CSGALNACT1: variants seen among roughly 807,000 people sequenced by gnomAD.
The protein encoded by CSGALNACT1 is chondroitin sulfate N-acetylgalactosaminyltransferase 1.
A neutral mutation model predicts 51.0 loss-of-function variants in CSGALNACT1; 52 were observed. The ratio of observed to expected loss-of-function variants is 1.02; its 90% CI spans 0.82 to 1.29. The LOEUF is 1.29. CSGALNACT1 is among the 50% of genes most tolerant of loss of function. The probability of loss-of-function intolerance (pLI) is 0.00; values close to 1 mark genes in which losing one functional copy is unlikely to be tolerated. For missense variants in CSGALNACT1, 935 were observed against 679.2 expected, an observed-to-expected ratio of 1.38 and a Z score of -4.19; for synonymous variants, 341 against 254.4, an observed-to-expected ratio of 1.34 and a Z score of -3.24.
At chr8:19,407,510 ATCTCTT>A (rs745596859) in intron 9 of CSGALNACT1, among the ~76,000 whole-genome samples, 2 of 152,034 alleles carry the variant, frequency 1.3e-5, no homozygotes, top group African/African-American at 2.4e-5. Flanking sequence ...CTGCAACTCT[ATCTCTT>A]TCGAGATCCA....
At chr8:19,712,261 G>C (rs573232251) in intron 1 of CSGALNACT1, among the ~76,000 whole-genome samples, 1 of 151,950 alleles carries the variant, frequency 6.6e-6, no homozygotes, top group Non-Finnish European at 1.5e-5. Flanking sequence ...TCCTGACCTC[G>C]TGATCCGCCC....
intron 1 of CSGALNACT1, among the ~76,000 whole-genome samples, chr8:19,674,904 A>G (rs990815430): frequency 5.3e-5 from 8 of 152,234 alleles, no homozygotes; most frequent in Non-Finnish European, 1.2e-4. Flanking sequence ...GGATGAATCC[A>G]GAGTTTCTGG....
chr8:19,749,047 C>G (rs1017870283), intron 1 of CSGALNACT1, among the ~76,000 whole-genome samples: 8 of 151,928 alleles, frequency 5.3e-5, no homozygotes, highest in Non-Finnish European at 1.2e-4. Flanking sequence ...GTCTCCCAGG[C>G]CCATTCACCA....
At chr8:19,712,315 G>A (rs562021602) in intron 1 of CSGALNACT1, among the ~76,000 whole-genome samples, 25 of 152,142 alleles carry the variant, frequency 1.6e-4, no homozygotes, top group African/African-American at 5.5e-4. Flanking sequence ...GTGAGCCACC[G>A]CGCCTGGCCA....
intron 4 of CSGALNACT1, among the ~76,000 whole-genome samples, chr8:19,463,827 C>T (rs1212725663): frequency 6.6e-6 from 1 of 152,168 alleles, no homozygotes; most frequent in Admixed American, 6.5e-5. Context: ...TCTTTTCCTA[C>T]TCAATGGGCC....
intron 1 of CSGALNACT1, among the ~76,000 whole-genome samples, chr8:19,673,220 T>C (rs995043830): frequency 1.3e-5 from 2 of 152,182 alleles, no homozygotes; most frequent in Non-Finnish European, 2.9e-5. Context: ...AAAGGGGATA[T>C]GGGACTCAGA....
chr8:19,615,930 G>A (rs574540208), intron 1 of CSGALNACT1, among the ~76,000 whole-genome samples: 1 of 152,074 alleles, frequency 6.6e-6, no homozygotes, highest in Admixed American at 6.6e-5. Flanking sequence ...TTATCAAACA[G>A]GTATTTTAAT....
At chr8:19,681,778 G>A (rs1010607266) in intron 1 of CSGALNACT1, among the ~76,000 whole-genome samples, 4 of 152,072 alleles carry the variant, frequency 2.6e-5, no homozygotes, top group Admixed American at 6.5e-5. Flanking sequence ...GTCTGGGCCC[G>A]TGCCCTGAGC....
At chr8:19,727,101 G>C (rs2063441267) in intron 1 of CSGALNACT1, among the ~76,000 whole-genome samples, 1 of 152,138 alleles carries the variant, frequency 6.6e-6, no homozygotes, top group Non-Finnish European at 1.5e-5. Flanking sequence ...CTGGGGCTGA[G>C]GGAAGGCACC....
chr8:19,573,689 C>T (rs2154113430), intron 3 of CSGALNACT1, among the ~76,000 whole-genome samples: 1 of 152,198 alleles, frequency 6.6e-6, no homozygotes, highest in East Asian at 1.9e-4. Flanking sequence ...AGTGCTCTGC[C>T]CACCTCGGCC....
chr8:19,661,194 G>A (rs546806223), intron 1 of CSGALNACT1, among the ~76,000 whole-genome samples: 17 of 152,050 alleles, frequency 1.1e-4, no homozygotes, highest in Admixed American at 5.9e-4. Context: ...GATTAGAGGC[G>A]TAAGCCACCA....
chr8:19,622,860 G>T (rs1041997158), intron 1 of CSGALNACT1, among the ~76,000 whole-genome samples: 1 of 152,158 alleles, frequency 6.6e-6, no homozygotes. Flanking sequence ...TAAGATGGTA[G>T]ATTGAAAGCT....
intron 4 of CSGALNACT1, among the ~76,000 whole-genome samples, chr8:19,495,749 T>C (rs1008410074): frequency 1.3e-5 from 2 of 152,188 alleles, no homozygotes; most frequent in African/African-American, 2.4e-5. Context: ...GTTTAAAGTC[T>C]TGGCTTTATT....
chr8:19,536,444 T>G (rs2083769352), intron 3 of CSGALNACT1, among the ~76,000 whole-genome samples: 1 of 152,074 alleles, frequency 6.6e-6, no homozygotes, highest in Admixed American at 6.6e-5. Context: ...ATTTAAATAC[T>G]TAGGTATAAA....
chr8:19,675,590 T>C (rs962843842), intron 1 of CSGALNACT1, among the ~76,000 whole-genome samples: 4 of 152,066 alleles, frequency 2.6e-5, no homozygotes, highest in Non-Finnish European at 5.9e-5. Flanking sequence ...CCTCCTGAGT[T>C]CAAGTGATTC....
chr8:19,450,519 G>C (rs1367100971), intron 5 of CSGALNACT1, among the ~76,000 whole-genome samples: 1 of 152,126 alleles, frequency 6.6e-6, no homozygotes, highest in Non-Finnish European at 1.5e-5. Flanking sequence ...CGTGAAGCCT[G>C]TGAGGGTCCC....
At chr8:19,456,566 C>T (rs538087482) in intron 5 of CSGALNACT1, among the ~76,000 whole-genome samples, 5 of 152,342 alleles carry the variant, frequency 3.3e-5, no homozygotes, top group African/African-American at 9.6e-5. Flanking sequence ...ACCAGCGGCA[C>T]TGTGCCATTC....
chr8:19,560,435 T>C (rs978707511), intron 3 of CSGALNACT1, among the ~76,000 whole-genome samples: 1 of 152,002 alleles, frequency 6.6e-6, no homozygotes, highest in Non-Finnish European at 1.5e-5. Flanking sequence ...AGAACCACCA[T>C]AAAGAGAGTT....
At chr8:19,477,990 A>G (rs543177690) in intron 4 of CSGALNACT1, among the ~76,000 whole-genome samples, 1 of 152,058 alleles carries the variant, frequency 6.6e-6, no homozygotes, top group South Asian at 2.1e-4. Context: ...CAGGGACCCC[A>G]CCTCCTGAAG....
Sources: allele counts gnomAD v4.1 joint callset (sites outside exome capture counted in the v4.1 genomes callset), GRCh38; gene constraint gnomAD v4.1.1; transcripts MANE v1.5; gene names NCBI Gene and HGNC (gene_info 2026-07-23, HGNC 2026-07-21).